The following PLCE1 variants were observed in gnomAD, a reference collection of about 807,000 sequenced individuals.
The protein encoded by PLCE1 is 1-phosphatidylinositol 4,5-bisphosphate phosphodiesterase epsilon-1.
A neutral mutation model predicts 242.8 loss-of-function variants in PLCE1; 119 were observed. The ratio of observed to expected loss-of-function variants is 0.49; its 90% CI spans 0.42 to 0.57. The LOEUF (loss-of-function observed/expected upper bound fraction) is 0.57. Ranked by LOEUF, PLCE1 falls within the 20% of genes least tolerant of loss-of-function variation. The pLI is 0.00. For synonymous variants in PLCE1, 945 were observed against 1,017.4 expected, an observed-to-expected ratio of 0.93 and a Z score of 1.35; for missense variants, 2,441 against 2,788.8, an observed-to-expected ratio of 0.88 and a Z score of 2.81.
At chr10:94,270,822 C>A (rs1472643303) in intron 18 of PLCE1, among the ~76,000 whole-genome samples, 1 of 151,982 alleles carries the variant, frequency 6.6e-6, no homozygotes, top group Non-Finnish European at 1.5e-5. Context: ...AGCATGCGCC[C>A]CCATGCCTGG....
chr10:94,015,035 T>C (rs2061252588), intron 1 of PLCE1, among the ~76,000 whole-genome samples: 1 of 152,238 alleles, frequency 6.6e-6, no homozygotes. Context: ...TCACTTCACC[T>C]GTGGTTCACT....
intron 2 of PLCE1, among the ~76,000 whole-genome samples, chr10:94,062,987 A>T (rs1410651427): frequency 6.6e-6 from 1 of 151,764 alleles, no homozygotes; most frequent in East Asian, 1.9e-4. Context: ...CTCACCTTCC[A>T]TTGCCTTCTC....
intron 3 of PLCE1, chr10:94,138,350 T>G: frequency 2.6e-6 from 1 of 386,610 alleles, no homozygotes; most frequent in Non-Finnish European, 5.1e-6. Context: ...GACTGTGTCC[T>G]TTCATAAATG....
At chr10:94,268,874 C>A in intron 16 of PLCE1, 55 bp from the exon 17 acceptor site, 2 of 982,480 alleles carry the variant, frequency 2.0e-6, no homozygotes, top group South Asian at 2.6e-5. Context: ...GGGTTTAGTT[C>A]GAGGCTTTAT....
chr10:94,036,950 A>G (rs1160816712), intron 2 of PLCE1, among the ~76,000 whole-genome samples: 2 of 152,202 alleles, frequency 1.3e-5, no homozygotes, highest in African/African-American at 4.8e-5. Flanking sequence ...AAGAATATGT[A>G]TGACAAAATA....
At chr10:94,212,465 C>T (rs1331776932) in intron 4 of PLCE1, among the ~76,000 whole-genome samples, 1 of 152,164 alleles carries the variant, frequency 6.6e-6, no homozygotes, top group Non-Finnish European at 1.5e-5. Flanking sequence ...ACCGTGTTAG[C>T]CAGGATGGTC....
At chr10:94,297,463 T>A (rs906537192) in intron 23 of PLCE1, among the ~76,000 whole-genome samples, 2 of 151,138 alleles carry the variant, frequency 1.3e-5, no homozygotes, top group Non-Finnish European at 3.0e-5. Flanking sequence ...AATAATAATG[T>A]TTAAAAGCTT....
intron 22 of PLCE1, among the ~76,000 whole-genome samples, chr10:94,286,301 G>T (rs1296687435): frequency 6.6e-6 from 1 of 152,068 alleles, no homozygotes; most frequent in Non-Finnish European, 1.5e-5. Context: ...GTCTCACACA[G>T]TGCCTGACAA....
chr10:94,126,193 C>T (rs10882396), intron 2 of PLCE1, among the ~76,000 whole-genome samples: 49,945 of 152,026 alleles, frequency 0.33, 8,656 homozygotes, highest in Non-Finnish European at 0.38. Context: ...TTGCCCAAAC[C>T]ACTCCAGGCC....
intron 19 of PLCE1, among the ~76,000 whole-genome samples, 181 bp downstream of exon 19, chr10:94,273,901 C>G (rs1042866586): frequency 3.3e-5 from 5 of 152,222 alleles, no homozygotes; most frequent in African/African-American, 1.2e-4. Flanking sequence ...TCTCATCTCA[C>G]TCACCCAAGA....
chr10:94,087,189 T>G (rs1211784822), intron 2 of PLCE1, among the ~76,000 whole-genome samples: 1 of 150,952 alleles, frequency 6.6e-6, no homozygotes, highest in Non-Finnish European at 1.5e-5. Flanking sequence ...TGCTATAAAG[T>G]TTTTTAAAAA....
At chr10:94,241,709 C>T (rs2050509488) in intron 7 of PLCE1, among the ~76,000 whole-genome samples, 1 of 151,372 alleles carries the variant, frequency 6.6e-6, no homozygotes, top group South Asian at 2.1e-4. Context: ...ATTGCCTGAA[C>T]CTGGGAGGCG....
chr10:94,325,283 T>C (rs1564900248), intron 32 of PLCE1, 179 bp downstream of exon 32: 3 of 583,898 alleles, frequency 5.1e-6, no homozygotes, highest in African/African-American at 3.7e-5. Flanking sequence ...CATGATATGC[T>C]ATTGAACACC....
At chr10:94,296,497 C>A (rs1428195752) in intron 23 of PLCE1, among the ~76,000 whole-genome samples, 2 of 152,206 alleles carry the variant, frequency 1.3e-5, no homozygotes, top group Non-Finnish European at 2.9e-5. Context: ...GAGATGACTT[C>A]TTTCCTTAAA....
chr10:94,165,942 G>A (rs1427509448), intron 3 of PLCE1, among the ~76,000 whole-genome samples: 1 of 152,082 alleles, frequency 6.6e-6, no homozygotes, highest in Non-Finnish European at 1.5e-5. Flanking sequence ...CCTGACATCA[G>A]TTGATCCACC....
chr10:94,136,688 C>T (rs2135956657), intron 3 of PLCE1, among the ~76,000 whole-genome samples: 1 of 152,310 alleles, frequency 6.6e-6, no homozygotes, highest in African/African-American at 2.4e-5. Context: ...GGCCAATAAT[C>T]AGAACACAAA....
At position 94,245,962 on chromosome 10, in the gene PLCE1, T is replaced by C. The variant is rs2050663980; in HGVS notation, c.2437T>C (p.Leu813=). ...TTCCTTAAGGTTTATAATTGGAGATTTGTTGGATTCAGACAATGACATCTT... is the reference window on the plus strand; with the variant it reads ...TTCCTTAAGGTTTATAATTGGAGATCTGTTGGATTCAGACAATGACATCTT... ...KSRWQFIIGD[L]LDSDNDIFEQ... is the part of the protein sequence containing the mutation. The change falls in exon 8 of 33, where the codon TTG becomes CTG. Residue 813 remains leucine, a synonymous_variant. Transcript: ENST00000371380. 2.5e-6 allele frequency: 4 copies of C among 1,613,952 alleles called. No individual in the cohort carries two copies. Among genetic ancestry groups the C allele is most frequent in the East Asian group, 4.5e-5 (2 of 44,890 alleles).
intron 20 of PLCE1, among the ~76,000 whole-genome samples, chr10:94,282,812 C>T (rs1048487212): frequency 6.6e-6 from 1 of 152,182 alleles, no homozygotes; most frequent in Non-Finnish European, 1.5e-5. Flanking sequence ...ACTGCCTCCC[C>T]TGCTCCTAAC....
At chr10:93,996,557 A>C (rs1335383416) in intron 1 of PLCE1, among the ~76,000 whole-genome samples, 1 of 152,218 alleles carries the variant, frequency 6.6e-6, no homozygotes, top group Non-Finnish European at 1.5e-5. Flanking sequence ...GACGATATCA[A>C]AGATGCATTT....
Sources: gnomAD v4.1 joint callset for allele counts (sites outside exome capture counted in the v4.1 genomes callset) on GRCh38, gnomAD v4.1.1 for gene constraint, MANE v1.5 for transcripts, NCBI Gene and HGNC (gene_info 2026-07-23, HGNC 2026-07-21) for gene names.